The following THSD4 variants were observed in gnomAD, a reference collection of about 807,000 sequenced individuals.
The protein encoded by THSD4 is thrombospondin type-1 domain-containing protein 4.
In THSD4, 69 loss-of-function variants were observed where a neutral mutation model predicts 119.0. That is an observed-to-expected ratio of 0.58 (90% CI 0.48 to 0.71). The LOEUF is 0.71. Among genes scored for constraint, THSD4 ranks in the 30% least tolerant of loss-of-function variants. The pLI, the probability that THSD4 is intolerant of heterozygous loss-of-function variation, is 0.00. For missense variants in THSD4, 1,393 were observed against 1,391.1 expected (o/e 1.00, Z -0.02); for synonymous variants, 524 against 540.4 (o/e 0.97, Z 0.42).
chr15:71,754,627 A>G (rs1271470732), intron 14 of THSD4, among the ~76,000 whole-genome samples: 2 of 152,252 alleles, frequency 1.3e-5, no homozygotes, highest in East Asian at 1.9e-4. Flanking sequence ...GCAAAATAGC[A>G]AAGGACATGA....
At chr15:71,570,157 A>G (rs1016366910) in intron 7 of THSD4, among the ~76,000 whole-genome samples, 3 of 152,192 alleles carry the variant, frequency 2.0e-5, no homozygotes, top group Non-Finnish European at 4.4e-5. Context: ...CACTTCTTAT[A>G]TGCCAAGCAC....
chr15:71,411,898 G>C (rs901764608), intron 7 of THSD4, 75 bp downstream of exon 7: 14 of 1,585,216 alleles, frequency 8.8e-6, no homozygotes, highest in Middle Eastern at 1.7e-4. Context: ...TTTCCAGGGA[G>C]AGACTAGGCT....
intron 7 of THSD4, among the ~76,000 whole-genome samples, chr15:71,543,690 C>T (rs1196187482): frequency 1.3e-5 from 2 of 152,166 alleles, no homozygotes; most frequent in Non-Finnish European, 2.9e-5. Context: ...GGTATATCGA[C>T]CTACAGGTCA....
At chr15:71,409,155 TCCC>T (rs5813630) in intron 6 of THSD4, among the ~76,000 whole-genome samples, 1,516 of 145,094 alleles carry the variant, frequency 0.01, 27 homozygotes, top group African/African-American at 0.036. Flanking sequence ...CTTTTTTTTT[TCCC>T]CCCCCCTCAG....
intron 1 of THSD4, among the ~76,000 whole-genome samples, chr15:71,116,447 C>T (rs561893843): frequency 1.6e-4 from 25 of 152,306 alleles, no homozygotes; most frequent in African/African-American, 5.5e-4. Flanking sequence ...CGTTCTCGGG[C>T]CCACCTAAGT....
At chr15:71,615,700 T>C (rs776233214) in intron 7 of THSD4, among the ~76,000 whole-genome samples, 1 of 152,168 alleles carries the variant, frequency 6.6e-6, no homozygotes, top group Non-Finnish European at 1.5e-5. Flanking sequence ...TGTCTTTTCC[T>C]GGATGGAAAT....
chr15:71,497,742 C>T (rs2048047433), intron 7 of THSD4, among the ~76,000 whole-genome samples: 1 of 152,118 alleles, frequency 6.6e-6, no homozygotes, highest in African/African-American at 2.4e-5. Context: ...CCACTGTAGT[C>T]TCTGTTAGAA....
At chr15:71,391,348 A>G (rs151062114) in intron 6 of THSD4, among the ~76,000 whole-genome samples, 19 of 152,198 alleles carry the variant, frequency 1.2e-4, no homozygotes, top group African/African-American at 4.3e-4. Flanking sequence ...GGCTAATTTT[A>G]AAATTCTTTT....
chr15:71,430,592 A>G (rs1325311545), intron 7 of THSD4, among the ~76,000 whole-genome samples: 1 of 151,796 alleles, frequency 6.6e-6, no homozygotes, highest in Non-Finnish European at 1.5e-5. Flanking sequence ...TGGTGTCTCT[A>G]CTAAAAATAC....
intron 7 of THSD4, among the ~76,000 whole-genome samples, chr15:71,559,937 C>G (rs1471846043): frequency 6.6e-6 from 1 of 152,088 alleles, no homozygotes; most frequent in Non-Finnish European, 1.5e-5. Flanking sequence ...GAGAAAGTCA[C>G]ATATTTAATA....
At chr15:71,627,271 G>A (rs2050527794) in intron 7 of THSD4, among the ~76,000 whole-genome samples, 1 of 152,228 alleles carries the variant, frequency 6.6e-6, no homozygotes, top group African/African-American at 2.4e-5. Flanking sequence ...AGAGGAAGAT[G>A]TTCAGCTCAT....
chr15:71,112,592 C>T (rs1045134744), upstream of THSD4, among the ~76,000 whole-genome samples: 1 of 152,212 alleles, frequency 6.6e-6, no homozygotes, highest in Non-Finnish European at 1.5e-5. Context: ...GGTGACCCAC[C>T]CTCCAAGATG....
Position 71,730,872 on chromosome 15 carries a change from A to G in THSD4, c.1534-249A>G, listed in dbSNP as rs536055449. On this transcript the variant is annotated intron_variant, in intron 9 of 17. Transcript: ENST00000261862. ...CTCCATCTTCTCCTTTGGAGTTTAG[A>G]AAATCTTGACTCTTAGCTTAGTCTT... The G allele has an allele frequency of 4.4e-5, 21 of 475,590 alleles. No homozygotes were observed. The East Asian group carries it at 7.8e-4, about 18-fold the overall frequency. 29.5% of individuals were successfully genotyped at this position (475,590 alleles called of 1,614,324 possible). A position where few individuals can be genotyped will look rare whatever the true frequency, so the allele number is the denominator to read the frequency against.
intron 6 of THSD4, among the ~76,000 whole-genome samples, chr15:71,271,778 C>T (rs1190474525): frequency 6.6e-6 from 1 of 152,126 alleles, no homozygotes; most frequent in Non-Finnish European, 1.5e-5. Context: ...TATTCTAAGG[C>T]TTTCTAGTTT....
chr15:71,720,027 T>TC (rs1555445402), intron 8 of THSD4, among the ~76,000 whole-genome samples: 2 of 45,790 alleles, frequency 4.4e-5, no homozygotes, highest in African/African-American at 7.3e-5. Context: ...ATGTGCTTTT[T>TC]TTTTTTTTCT....
chr15:71,423,925 T>C (rs2046838785), intron 7 of THSD4, among the ~76,000 whole-genome samples: 2 of 152,198 alleles, frequency 1.3e-5, no homozygotes, highest in African/African-American at 4.8e-5. Flanking sequence ...ACAGCTGGGT[T>C]CTGCCTGGTG....
intron 7 of THSD4, among the ~76,000 whole-genome samples, chr15:71,493,702 A>G (rs1390511862): frequency 6.6e-6 from 1 of 152,226 alleles, no homozygotes; most frequent in African/African-American, 2.4e-5. Flanking sequence ...CTCTGTCTTT[A>G]GGACAGCTCT....
intron 8 of THSD4, among the ~76,000 whole-genome samples, chr15:71,662,087 C>T (rs758463127): frequency 3.6e-4 from 55 of 152,288 alleles, no homozygotes; most frequent in Middle Eastern, 3.4e-3. Context: ...ACCTAAGTTC[C>T]TCTGGTGTGC....
intron 3 of THSD4, among the ~76,000 whole-genome samples, chr15:71,188,008 A>T (rs1223426883): frequency 6.6e-6 from 1 of 152,212 alleles, no homozygotes; most frequent in East Asian, 1.9e-4. Context: ...TCCTGATACA[A>T]TTATTAATAG....
Sources: allele counts gnomAD v4.1 joint callset (sites outside exome capture counted in the v4.1 genomes callset), GRCh38; gene constraint gnomAD v4.1.1; transcripts MANE v1.5; gene names NCBI Gene and HGNC (gene_info 2026-07-23, HGNC 2026-07-21).